The following MCC variants were observed in gnomAD, a reference collection of about 807,000 sequenced individuals.
The protein encoded by MCC is MCC regulator of Wnt signaling pathway, also known as colorectal mutant cancer protein.
A neutral mutation model predicts 116.2 loss-of-function variants in MCC; 90 were observed. That is an observed-to-expected ratio of 0.77 (90% CI 0.65 to 0.92). MCC has a LOEUF of 0.92. Ranked by LOEUF, MCC falls within the 40% of genes least tolerant of loss-of-function variation. MCC has a pLI of 0.00. For missense variants in MCC, 1,516 were observed against 1,312.2 expected (o/e 1.16, Z -2.40); for synonymous variants, 578 against 510.5 (o/e 1.13, Z -1.78).
intron 3 of MCC, among the ~76,000 whole-genome samples, chr5:113,155,750 A>C (rs1760136784): frequency 6.6e-6 from 1 of 152,240 alleles, no homozygotes; most frequent in Non-Finnish European, 1.5e-5. Flanking sequence ...AAAGAGAAAG[A>C]AAATACATGC....
intron 3 of MCC, among the ~76,000 whole-genome samples, chr5:113,213,688 T>C (rs1362076271): frequency 6.6e-6 from 1 of 152,158 alleles, no homozygotes; most frequent in Non-Finnish European, 1.5e-5. Flanking sequence ...GTGGGCACAG[T>C]AGCTCTACTT....
intron 17 of MCC, among the ~76,000 whole-genome samples, chr5:113,036,626 T>C (rs1751348385): frequency 6.6e-6 from 1 of 152,148 alleles, no homozygotes; most frequent in African/African-American, 2.4e-5. Flanking sequence ...TGCCCAGACT[T>C]TGCTATGAAC....
rs375540062 is a variant in MCC, at chr5:113,434,734, A to G, written c.171-49522T>C. On this transcript the variant is annotated intron_variant, in intron 1 of 18. Transcript: ENST00000408903. The surrounding 1 kb of genome is among the most constrained non-coding windows in gnomAD (Gnocchi z 4.2). ...TCGATGATCTTGATCGCCACATTGA[A>G]CTTCAGGCGCTCAGAGTAAGCAGAT... The G allele has an allele frequency of 3.1e-6, 5 of 1,613,848 alleles. No individual in the cohort carries two copies. Among genetic ancestry groups the G allele is most frequent in the Non-Finnish European group, 4.2e-6 (5 of 1,179,956 alleles).
At chr5:113,194,703 G>A (rs904289777) in intron 3 of MCC, among the ~76,000 whole-genome samples, 48 of 152,032 alleles carry the variant, frequency 3.2e-4, no homozygotes, top group African/African-American at 1.1e-3. Flanking sequence ...AAGGGGAAGG[G>A]AAAGGGAAAG....
At chr5:113,136,713 T>C (rs1758849483) in intron 5 of MCC, among the ~76,000 whole-genome samples, 1 of 152,212 alleles carries the variant, frequency 6.6e-6, no homozygotes, top group Non-Finnish European at 1.5e-5. Flanking sequence ...GTAACTTTAC[T>C]GAATGTATCA....
intron 17 of MCC, among the ~76,000 whole-genome samples, chr5:113,037,096 T>C (rs1024341455): frequency 5.3e-5 from 8 of 152,236 alleles, no homozygotes; most frequent in African/African-American, 1.9e-4. Flanking sequence ...GTGAAGATTC[T>C]GCTGCTTATT....
intron 6 of MCC, among the ~76,000 whole-genome samples, chr5:113,114,709 C>T (rs915179663): frequency 3.9e-5 from 6 of 152,122 alleles, no homozygotes; most frequent in South Asian, 2.1e-4. Flanking sequence ...GACTTCAGAG[C>T]GATGGCTTGA....
rs1015302256 is a variant in MCC at position 113,073,392 on chromosome 5, C to T, written c.1785-2158G>A. Among the ~76,000 whole-genome samples, 3 of 152,222 alleles carry T rather than the reference C, an allele frequency of 2.0e-5. No individual in the cohort carries two copies. The South Asian group carries it at 6.2e-4, about 32-fold the overall frequency. ...ATCCCATCCTTCCCATTCTCCACAC[C>T]CAGGTAAGCTTCCATAATGTCAATC... On this transcript the variant is annotated intron_variant, in intron 11 of 18. Coordinates refer to ENST00000408903, the MANE Select transcript of MCC (RefSeq NM_001085377.2).
At chr5:113,390,404 A>C (rs557071788) in intron 1 of MCC, among the ~76,000 whole-genome samples, 1 of 152,362 alleles carries the variant, frequency 6.6e-6, no homozygotes, top group East Asian at 1.9e-4. Flanking sequence ...TGGCCAAGTC[A>C]GGCAATATTT....
chr5:113,359,155 T>C (rs780709643), intron 2 of MCC, among the ~76,000 whole-genome samples: 1 of 152,164 alleles, frequency 6.6e-6, no homozygotes, highest in Non-Finnish European at 1.5e-5. Flanking sequence ...TTAGAACATA[T>C]ATATGTTACA....
At chr5:113,333,810 T>TACATATATAC (rs778710246) in intron 3 of MCC, among the ~76,000 whole-genome samples, 26 of 69,766 alleles carry the variant, frequency 3.7e-4, no homozygotes, top group African/African-American at 1.2e-3. Flanking sequence ...TGTATATATG[T>TACATATATAC]ATATATGTAC....
chr5:113,249,772 G>C (rs939991806), intron 3 of MCC, among the ~76,000 whole-genome samples: 1 of 152,184 alleles, frequency 6.6e-6, no homozygotes, highest in Non-Finnish European at 1.5e-5. Context: ...CAGGACCAGG[G>C]CAGGACAAAT....
chr5:113,097,511 A>G (rs1467768181), intron 8 of MCC, among the ~76,000 whole-genome samples: 2 of 152,194 alleles, frequency 1.3e-5, no homozygotes, highest in Non-Finnish European at 2.9e-5. Flanking sequence ...TATCTATGAA[A>G]TGGAAATTTA....
At chr5:113,418,006 G>A (rs1384850391) in intron 1 of MCC, among the ~76,000 whole-genome samples, 5 of 151,666 alleles carry the variant, frequency 3.3e-5, no homozygotes, top group Non-Finnish European at 7.4e-5. Flanking sequence ...AAGGATATGA[G>A]ACTTAAATAC....
At chr5:113,154,558 C>T (rs1258313597) in intron 3 of MCC, among the ~76,000 whole-genome samples, 1 of 152,200 alleles carries the variant, frequency 6.6e-6, no homozygotes, top group South Asian at 2.1e-4. Flanking sequence ...TGTCCCACTG[C>T]ATCATCAACT....
At chr5:113,450,552 C>T (rs963716806) in intron 1 of MCC, among the ~76,000 whole-genome samples, 2 of 152,202 alleles carry the variant, frequency 1.3e-5, no homozygotes, top group African/African-American at 4.8e-5. Flanking sequence ...ATGACCCTTA[C>T]AGGACCCAGC....
intron 3 of MCC, among the ~76,000 whole-genome samples, chr5:113,164,372 T>C (rs1488544809): frequency 6.6e-6 from 1 of 152,214 alleles, no homozygotes; most frequent in African/African-American, 2.4e-5. Context: ...ACAAGTAGGA[T>C]AAAATTAGCT....
At chr5:113,080,554 C>T (rs1050745197) in intron 11 of MCC, among the ~76,000 whole-genome samples, 1 of 152,112 alleles carries the variant, frequency 6.6e-6, no homozygotes, top group Non-Finnish European at 1.5e-5. Flanking sequence ...ATCACAAGGA[C>T]AGAAAACCAA....
chr5:113,070,988 C>T, intron 12 of MCC, 106 bp downstream of exon 12: 1 of 1,335,078 alleles, frequency 7.5e-7, no homozygotes, highest in East Asian at 2.4e-5. Context: ...TTGGTCCAAA[C>T]TGCCAGATAT....
Sources: gnomAD v4.1 joint callset for allele counts (sites outside exome capture counted in the v4.1 genomes callset) on GRCh38, gnomAD v4.1.1 for gene constraint, Gnocchi (gnomAD v3.1) non-coding constraint, MANE v1.5 for transcripts, NCBI Gene and HGNC (gene_info 2026-07-23, HGNC 2026-07-21) for gene names.